PLXNB3: variants seen among roughly 807,000 people sequenced by gnomAD.
PLXNB3 encodes the protein plexin B3, also known as plexin-B3.
Under a neutral mutation model 125.7 loss-of-function variants are expected in PLXNB3, and 80 were observed. The ratio of observed to expected loss-of-function variants is 0.64; its 90% CI spans 0.53 to 0.77. PLXNB3 has a LOEUF of 0.77. Among genes scored for constraint, PLXNB3 ranks in the 30% least tolerant of loss-of-function variants. The pLI, the probability that PLXNB3 is intolerant of heterozygous loss-of-function variation, is 0.00. For missense variants in PLXNB3, 1,836 were observed against 1,729.3 expected (o/e 1.06, Z -1.09); for synonymous variants, 954 against 783.3 (o/e 1.22, Z -3.64).
chrX:153,776,138 C>T lies in PLXNB3; in HGVS notation c.4653C>T (p.Val1551=), dbSNP rs782025887. 8.3e-7 allele frequency: 1 copy of T among 1,204,135 alleles called. No individual in the cohort carries two copies. Among genetic ancestry groups the T allele is most frequent in the South Asian group, 1.8e-5 (1 of 55,853 alleles). The change falls in exon 27 of 36, where the codon GTC becomes GTT. Residue 1551 remains valine, a synonymous_variant. Coordinates refer to ENST00000361971, the MANE Select transcript of PLXNB3 (RefSeq NM_005393.3). ...TCGACACGGACACCATCACCCAGGT[C>T]AAGGAGAAGGTGTTGGACCAAGTCT... ...RVLDTDTITQ[V]KEKVLDQVYK...
chrX:153,772,151 CCT>C (rs2091938398), intron 15 of PLXNB3, 29 bp from the exon 16 acceptor site: 1 of 913,534 alleles, frequency 1.1e-6, no homozygotes, highest in African/African-American at 3.2e-5. Flanking sequence ...GTCCCTGAGC[CCT>C]GAGCAGCTCC....
rs199904255 is a variant in PLXNB3 at position 153,771,670 on chromosome X, G to A, written c.2517+15G>A. The A allele has an allele frequency of 2.4e-3, 2,763 of 1,169,006 alleles. 5 individuals carry two copies. Among genetic ancestry groups the A allele is most frequent in the Middle Eastern group, 3.3e-3 (10 of 3,024 alleles). ...GCATTGATGCAGTGAGTCTCCTGCC[G>A]GGCCCCCACAGCCCAGTGGCCCACT... On this transcript the variant is annotated intron_variant, in intron 14 of 35. Coordinates refer to ENST00000361971, the MANE Select transcript of PLXNB3 (RefSeq NM_005393.3).
chrX:153,770,754 C>A lies in PLXNB3; in HGVS notation c.2011-4C>A, dbSNP rs782747272. 8.3e-7 allele frequency: 1 copy of A among 1,203,482 alleles called. No individual in the cohort carries two copies. Among genetic ancestry groups the A allele is most frequent in the Non-Finnish European group, 1.1e-6 (1 of 890,143 alleles). ...TGAAGGGCTGAGGGCTCTTGTTTTC[C>A]CAGGTGGACATCCAGGTGCGTGGCC... is the stretch of plus-strand genomic sequence containing the variant. On this transcript the variant is annotated splice_region_variant and splice_polypyrimidine_tract_variant and intron_variant, in intron 10 of 35. Coordinates refer to ENST00000361971, the MANE Select transcript of PLXNB3 (RefSeq NM_005393.3).
intron 35 of PLXNB3, 48 bp downstream of exon 35, chrX:153,778,722 CCG>C: frequency 8.8e-7 from 1 of 1,140,150 alleles, no homozygotes; most frequent in Non-Finnish European, 1.2e-6. Flanking sequence ...AGCGGGAGGC[CCG>C]TGGACCCTCC....
chrX:153,768,863 G>A (rs1448052040), intron 4 of PLXNB3, 85 bp from the exon 5 acceptor site: 1 of 1,066,549 alleles, frequency 9.4e-7, no homozygotes, highest in South Asian at 2.2e-5. Context: ...CTCTAAAAAG[G>A]AGCCCCCACT....
rs17091287 is a variant in PLXNB3, at chrX:153,771,502, C to T, written c.2364C>T (p.Cys788=). Reference sequence around the variant, plus strand: ...CCTCCCTAGTGATCCTGTACGACTGCGCCATGGGCCACCCGGACTGCAGCC... The same window carrying T: ...CCTCCCTAGTGATCCTGTACGACTGTGCCATGGGCCACCCGGACTGCAGCC... ...THALYVILYD[C]AMGHPDCSHC... The change falls in exon 14 of 36, where the codon TGC becomes TGT. Residue 788 remains cysteine, a synonymous_variant. Coordinates refer to ENST00000361971, the MANE Select transcript of PLXNB3 (RefSeq NM_005393.3). 0.013 allele frequency: 15,577 copies of T among 1,203,344 alleles called. 1,270 individuals are homozygous for T. In the African/African-American group the frequency reaches 0.24, roughly 18 times the overall value.
At chrX:153,765,409 G>A (rs2091846424) in intron 1 of PLXNB3, 62 bp from the exon 2 acceptor site, 2 of 897,900 alleles carry the variant, frequency 2.2e-6, no homozygotes, top group Non-Finnish European at 1.6e-6. Flanking sequence ...CCCCACCGCC[G>A]CCCCTCCTTC....
At position 153,775,119 on chromosome X, in the gene PLXNB3, C is replaced by T. The variant is rs782018921; in HGVS notation, c.4155+16C>T. 1.7e-6 allele frequency: 2 copies of T among 1,181,198 alleles called. No homozygotes were observed. Among genetic ancestry groups the T allele is most frequent in the African/African-American group, 1.7e-5 (1 of 57,170 alleles). On this transcript the variant is annotated intron_variant, in intron 24 of 35. Coordinates refer to ENST00000361971, the MANE Select transcript of PLXNB3 (RefSeq NM_005393.3). The stretch of plus-strand genomic sequence containing the variant: ...CCTCCTCACGGTGAGGGCCGTGTGG[C>T]GGGAGTGCCCAGTGGGCAAGGAGGT...
chrX:153,769,876 C>A lies in PLXNB3; in HGVS notation c.1566C>A (p.Asp522Glu). 8.3e-7 allele frequency: 1 copy of A among 1,207,846 alleles called. No homozygotes were observed. Among genetic ancestry groups the A allele is most frequent in the Non-Finnish European group, 1.1e-6 (1 of 894,178 alleles). The change falls in exon 7 of 36, where the codon GAC becomes GAA. Residue 522 changes from aspartate to glutamate, a missense_variant. Transcript: ENST00000361971. ...AGTGGCTGTGGAGTTATGAGGAGGA[C>A]AGCCACTGCCTGCACATCCAGAGCC... ...LNQWLWSYEE[D>E]SHCLHIQSLL...
At chrX:153,767,934 T>C in intron 3 of PLXNB3, 21 bp downstream of exon 3, 1 of 1,078,139 alleles carries the variant, frequency 9.3e-7, no homozygotes, top group South Asian at 2.4e-5. Flanking sequence ...TGCCCTTCCA[T>C]CCCCCCTCTC....
In PLXNB3 at chrX:153,772,024, C is replaced by A; in HGVS notation, c.2669+9C>A. 1 of 1,184,816 alleles carries A rather than the reference C, an allele frequency of 8.4e-7. No homozygotes were observed. Among genetic ancestry groups the A allele is most frequent in the Non-Finnish European group, 1.1e-6 (1 of 880,357 alleles). ...TACCGCACGTCGGCCCGGTGAGGCA[C>A]TTGGAGGGTGAAGATGGGTGGGGAG... On this transcript the variant is annotated intron_variant, in intron 15 of 35. Coordinates refer to ENST00000361971, the MANE Select transcript of PLXNB3 (RefSeq NM_005393.3).
At position 153,767,457 on chromosome X, in the gene PLXNB3, G is replaced by A; in HGVS notation, c.630G>A (p.Gly210=). Residue 210 remains glycine (G), a synonymous_variant, in exon 3 of 36, where the codon GGG becomes GGA. Coordinates refer to ENST00000361971, the MANE Select transcript of PLXNB3 (RefSeq NM_005393.3). The part of the protein sequence containing the change: ...VPPLAIRQLA[G]SQPFSSEGLG... ...CCCTGGCCATCCGCCAGCTGGCCGGGTCTCAGCCCTTCTCCAGCGAGGGCC... is the reference window on the plus strand; with the variant it reads ...CCCTGGCCATCCGCCAGCTGGCCGGATCTCAGCCCTTCTCCAGCGAGGGCC... The A allele has an allele frequency of 6.7e-6, 8 of 1,194,924 alleles. No individual in the cohort carries two copies. Among genetic ancestry groups the A allele is most frequent in the Non-Finnish European group, 9.0e-6 (8 of 886,562 alleles).
Position 153,770,951 on chromosome X carries a change from G to A in PLXNB3, c.2137-14G>A, listed in dbSNP as rs1339073943. ...CAACAGCGTGTCCACACTCCTGACA[G>A]CGTCCTTCCCCAGGGCCTGCCTGCC... On this transcript the variant is annotated splice_polypyrimidine_tract_variant and intron_variant, in intron 11 of 35. Transcript: ENST00000361971. 4.1e-6 allele frequency: 5 copies of A among 1,209,130 alleles called. No individual in the cohort carries two copies. In the East Asian group the frequency reaches 1.2e-4, roughly 29 times the overall value.
In PLXNB3 at chrX:153,774,768, A is replaced by G. The variant is rs1206334388; in HGVS notation, c.3893A>G (p.Glu1298Gly). The stretch of plus-strand genomic sequence containing the variant: ...GTGCTAGTGCAGCTGGAGAGCCTGG[A>G]GACCGGCGTGGGAGACCAGTGCCGC... ...QKVLVQLESL[E>G]TGVGDQCRKE... The change falls in exon 23 of 36, where the codon GAG becomes GGG. Residue 1298 changes from glutamate (E) to glycine (G), a missense_variant. Physicochemically the swap from Glu to Gly is moderately conservative, Grantham distance 98 (BLOSUM62 -2). Transcript: ENST00000361971. 8.3e-7 allele frequency: 1 copy of G among 1,202,940 alleles called. No homozygotes were observed. The highest frequency in any genetic ancestry group is 1.1e-6 in the Non-Finnish European group (1 of 890,982).
intron 25 of PLXNB3, 73 bp from the exon 26 acceptor site, chrX:153,775,518 TGGG>T: frequency 8.7e-7 from 1 of 1,148,721 alleles, no homozygotes; most frequent in Non-Finnish European, 1.2e-6. Flanking sequence ...CCCCAGCAGG[TGGG>T]GGGAAGGAAA....
In PLXNB3 at chrX:153,778,344, G is replaced by A. The variant is rs1569542250; in HGVS notation, c.5474+19G>A. On this transcript the variant is annotated intron_variant, in intron 33 of 35. Transcript: ENST00000361971. ...TGGAGAGGTGGGTGTCAGAGGCATC[G>A]GGGCTGCGGGGAAGGGGGCTGCCCC... The A allele has an allele frequency of 1.2e-5, 14 of 1,208,098 alleles. No homozygotes were observed. Among genetic ancestry groups the A allele is most frequent in the Non-Finnish European group, 1.5e-5 (13 of 892,962 alleles).
Position 153,766,910 on chromosome X carries a change from G to T in PLXNB3, c.83G>T (p.Cys28Phe). The change falls in exon 3 of 36, where the codon TGC (cysteine) becomes TTC (phenylalanine). Residue 28 changes from cysteine to phenylalanine, a missense_variant. Transcript: ENST00000361971. ...GCTCGCTGGCCTCCCTTCGGCCTCT[G>T]CCTCCTCCTGCTGCTGCTGTCCCCA... ...VMARWPPFGL[C>F]LLLLLLSPPP... 1 of 1,206,968 alleles carries T rather than the reference G, an allele frequency of 8.3e-7. No homozygotes were observed.
At chrX:153,773,151 T>C in intron 17 of PLXNB3, 79 bp from the exon 18 acceptor site, 1 of 1,094,133 alleles carries the variant, frequency 9.1e-7, no homozygotes, top group East Asian at 3.1e-5. Context: ...AAGCAGGGCT[T>C]CTCCTACGGG....
At position 153,772,320 on chromosome X, in the gene PLXNB3, G is replaced by C. The variant is rs1406181194; in HGVS notation, c.2775+33G>C. 13 of 1,026,551 alleles carry C rather than the reference G, an allele frequency of 1.3e-5. No individual in the cohort carries two copies. In the African/African-American group the frequency reaches 2.2e-4, roughly 18 times the overall value. 84.6% of individuals were successfully genotyped at this position (1,026,551 alleles called of 1,213,427 possible). A position where few individuals can be genotyped will look rare whatever the true frequency, so the allele number is the denominator to read the frequency against. On this transcript the variant is annotated intron_variant, in intron 16 of 35. Coordinates refer to ENST00000361971, the MANE Select transcript of PLXNB3 (RefSeq NM_005393.3). The stretch of plus-strand genomic sequence containing the variant: ...GCCTCCCAGGTGTGCCCTACGCAGG[G>C]GAGGGTAGGAGGGAGGGCCAGGAAG...
Sources: gnomAD v4.1 joint callset for allele counts on GRCh38, gnomAD v4.1.1 for gene constraint, MANE v1.5 for transcripts, NCBI Gene and HGNC (gene_info 2026-07-23, HGNC 2026-07-21) for gene names.